VPS37A: variants seen among roughly 807,000 people sequenced by gnomAD.
VPS37A encodes the protein vacuolar protein sorting-associated protein 37A.
VPS37A carries 30 observed loss-of-function variants against 49.8 expected under a neutral mutation model. That is an observed-to-expected ratio of 0.60 (90% CI 0.45 to 0.82). The LOEUF is 0.82. VPS37A is among the 40% of genes least tolerant of loss of function. The pLI, the probability that VPS37A is intolerant of heterozygous loss-of-function variation, is 0.00. For synonymous variants in VPS37A, 195 were observed against 160.6 expected (o/e 1.21, Z -1.62); for missense variants, 593 against 464.4 (o/e 1.28, Z -2.55).
At position 17,265,996 on chromosome 8, in the gene VPS37A, A is replaced by G. The variant is rs1356532472; in HGVS notation, c.200+15A>G. On this transcript the variant is annotated intron_variant, in intron 2 of 11. Coordinates refer to ENST00000324849, the MANE Select transcript of VPS37A (RefSeq NM_152415.3). Reference sequence around the variant, plus strand: ...AACATTAATATGTGAGTAGAATTGTATCCTACTTTTTCATGTAAAAGGACT... The same window carrying G: ...AACATTAATATGTGAGTAGAATTGTGTCCTACTTTTTCATGTAAAAGGACT... 7 of 1,599,424 alleles carry G rather than the reference A, an allele frequency of 4.4e-6. No individual in the cohort carries two copies. Among genetic ancestry groups the G allele is most frequent in the Middle Eastern group, 4.1e-4 (2 of 4,870 alleles).
rs180742509 is a variant in VPS37A, at chr8:17,288,867, C to G, written c.*2440C>G. 2.0e-4 allele frequency among the ~76,000 whole-genome samples: 31 copies of G among 152,324 alleles called. No individual in the cohort carries two copies. In the South Asian group the frequency reaches 2.7e-3, roughly 13 times the overall value. ...TAAAGGTGTTCCTATTTCTCCACAT[C>G]CTCTCCAGCATCTGTTGTTTCCTAA... On this transcript the variant is annotated intron_variant, in intron 11 of 11. Coordinates refer to ENST00000324849, the MANE Select transcript of VPS37A (RefSeq NM_152415.3).
chr8:17,304,283 C>G, downstream of VPS37A: 1 of 1,364,646 alleles, frequency 7.3e-7, no homozygotes, highest in Non-Finnish European at 9.9e-7. Flanking sequence ...ATAAAAGCCT[C>G]AAAGATCAGT....
At position 17,295,575 on chromosome 8, in the gene VPS37A, T is replaced by C. The variant is rs1001082204; in HGVS notation, c.*589T>C. ...GAATAAACCAGCTGTTCTTATATAT[T>C]GTTTCATTTTTAAAACTAAAGATGC... On this transcript the variant is annotated 3_prime_UTR_variant, in exon 12 of 12. Transcript: ENST00000324849. The C allele has an allele frequency of 6.6e-6, 1 of 152,578 alleles. No individual in the cohort carries two copies. The highest frequency in any genetic ancestry group is 2.4e-5 in the African/African-American group (1 of 41,446). The allele number at this position is 152,578 out of a possible 1,614,324, so 9.5% of individuals were successfully genotyped here. A position where few individuals can be genotyped will look rare whatever the true frequency, so the allele number is the denominator to read the frequency against.
intron 1 of VPS37A, among the ~76,000 whole-genome samples, chr8:17,264,792 C>G (rs551838921): frequency 1.5e-4 from 23 of 152,112 alleles, no homozygotes; most frequent in Non-Finnish European, 2.6e-4. Flanking sequence ...CCTCTGCAAC[C>G]TCACCTCATT....
chr8:17,307,131 AC>A, downstream of VPS37A, among the ~76,000 whole-genome samples: 1 of 152,282 alleles, frequency 6.6e-6, no homozygotes, highest in Non-Finnish European at 1.5e-5. Flanking sequence ...AATTTTTGCA[AC>A]CTACTCATCT....
At chr8:17,294,059 C>G (rs1386892642) in intron 11 of VPS37A, among the ~76,000 whole-genome samples, 1 of 152,232 alleles carries the variant, frequency 6.6e-6, no homozygotes, top group Non-Finnish European at 1.5e-5. Context: ...CACAGCCACC[C>G]CTTCCCCCAG....
At chr8:17,322,692 G>A in the VPS37A span, among the ~76,000 whole-genome samples, 2 of 152,050 alleles carry the variant, frequency 1.3e-5, no homozygotes, top group Non-Finnish European at 2.9e-5. Context: ...GGGTGTGGAG[G>A]TGCACGCCTG....
At chr8:17,284,360 CTAT>C in intron 9 of VPS37A, 110 bp from the exon 10 acceptor site, 1 of 1,237,300 alleles carries the variant, frequency 8.1e-7, no homozygotes. Flanking sequence ...CAAAAAGAGG[CTAT>C]ATAGGGCATA....
At chr8:17,277,573 AGAT>A (rs1015871458) in intron 6 of VPS37A, among the ~76,000 whole-genome samples, 15 of 152,132 alleles carry the variant, frequency 9.9e-5, no homozygotes, top group Admixed American at 2.0e-4. Flanking sequence ...AGCAAATCCC[AGAT>A]AATACATCCT....
chr8:17,256,757 A>G (rs564310484), intron 1 of VPS37A, among the ~76,000 whole-genome samples: 2 of 151,638 alleles, frequency 1.3e-5, no homozygotes, highest in African/African-American at 2.4e-5. Flanking sequence ...GATTCAAGCA[A>G]TTTTCCTGCC....
At chr8:17,311,519 C>T in the VPS37A span, 3 of 1,614,120 alleles carry the variant, frequency 1.9e-6, no homozygotes. Context: ...ACCATGAAGC[C>T]CTTCAGAGTC....
At chr8:17,262,472 A>G (rs989273709) in intron 1 of VPS37A, among the ~76,000 whole-genome samples, 2 of 152,202 alleles carry the variant, frequency 1.3e-5, no homozygotes, top group African/African-American at 2.4e-5. Flanking sequence ...AGGTAAAACC[A>G]TAGTAATTCT....
At chr8:17,316,604 G>A in the VPS37A span, among the ~76,000 whole-genome samples, 1 of 151,906 alleles carries the variant, frequency 6.6e-6, no homozygotes, top group Non-Finnish European at 1.5e-5. Context: ...GTATTCTCGG[G>A]TTCCACATCC....
At chr8:17,280,336 A>G in intron 8 of VPS37A, 39 bp downstream of exon 8, 1 of 1,603,144 alleles carries the variant, frequency 6.2e-7, no homozygotes, top group African/African-American at 1.3e-5. Flanking sequence ...TACATAATTT[A>G]AAAATAGAAT....
intron 6 of VPS37A, among the ~76,000 whole-genome samples, chr8:17,278,501 A>C (rs570497595): frequency 6.6e-6 from 1 of 152,218 alleles, no homozygotes; most frequent in East Asian, 1.9e-4. Flanking sequence ...ATCTGTCTCC[A>C]AAAGTTGCTC....
At chr8:17,312,313 G>C in the VPS37A span, among the ~76,000 whole-genome samples, 1 of 152,102 alleles carries the variant, frequency 6.6e-6, no homozygotes, top group Admixed American at 6.6e-5. Context: ...AGTGGCTCAC[G>C]CATGTAATCC....
intron 6 of VPS37A, among the ~76,000 whole-genome samples, chr8:17,278,363 C>A (rs1425582439): frequency 3.3e-5 from 5 of 152,048 alleles, no homozygotes; most frequent in African/African-American, 1.2e-4. Context: ...CAGAATTACT[C>A]TATGAAGAAC....
the VPS37A span, among the ~76,000 whole-genome samples, chr8:17,329,824 G>A: frequency 1.3e-5 from 2 of 152,128 alleles, no homozygotes; most frequent in East Asian, 3.9e-4. Context: ...AAATAATCAT[G>A]CCCAGGGTAT....
chr8:17,249,570 G>C (rs1165803353), intron 1 of VPS37A, among the ~76,000 whole-genome samples: 2 of 152,146 alleles, frequency 1.3e-5, no homozygotes, highest in Non-Finnish European at 1.5e-5. Context: ...TATGCTTCCA[G>C]TTTTCAAAGA....
Sources: gnomAD v4.1 joint callset for allele counts (sites outside exome capture counted in the v4.1 genomes callset) on GRCh38, gnomAD v4.1.1 for gene constraint, MANE v1.5 for transcripts, NCBI Gene and HGNC (gene_info 2026-07-23, HGNC 2026-07-21) for gene names.